Variants in ADGRB3 observed in about 807,000 individuals in gnomAD.
The protein encoded by ADGRB3 is brain-specific angiogenesis inhibitor 3.
ADGRB3 carries 37 observed loss-of-function variants against 193.4 expected under a neutral mutation model. The observed-to-expected ratio is 0.19, with a 90% confidence interval of 0.15 to 0.25. The LOEUF (loss-of-function observed/expected upper bound fraction) is 0.25. ADGRB3 is among the 10% of genes least tolerant of loss of function. The probability of loss-of-function intolerance (pLI) is 1.00; values close to 1 mark genes in which losing one functional copy is unlikely to be tolerated. For missense variants in ADGRB3, 1,637 were observed against 1,852.9 expected (o/e 0.88, Z 2.14); for synonymous variants, 690 against 644.2 (o/e 1.07, Z -1.08).
intron 16 of ADGRB3, among the ~76,000 whole-genome samples, chr6:69,067,966 G>A (rs77899918): frequency 0.077 from 11,783 of 152,210 alleles, 566 homozygotes; most frequent in Non-Finnish European, 0.11. Flanking sequence ...GAGTCAGATC[G>A]TAAAGAATTT....
At chr6:69,227,866 T>C (rs1465495689) in intron 17 of ADGRB3, among the ~76,000 whole-genome samples, 1 of 152,236 alleles carries the variant, frequency 6.6e-6, no homozygotes, top group Non-Finnish European at 1.5e-5. Flanking sequence ...TCAGATTACA[T>C]GTCTGCTATA....
At chr6:68,749,449 T>A (rs1766153427) in intron 3 of ADGRB3, among the ~76,000 whole-genome samples, 1 of 149,500 alleles carries the variant, frequency 6.7e-6, no homozygotes, top group South Asian at 2.1e-4. Flanking sequence ...TGTGTGTGTA[T>A]AATTAATTCT....
chr6:68,905,952 T>TA lies in ADGRB3; in HGVS notation c.758-24598dup, dbSNP rs140909901. ...AGAATGTCCTGACCACCAATTTTGT[T>TA]AAAAAAAAAGTTTCCTGCTTGACTT... On this transcript the variant is annotated intron_variant, in intron 3 of 31. Transcript: ENST00000370598. Among the ~76,000 whole-genome samples the TA allele has an allele frequency of 2.5e-4, 37 of 150,948 alleles. No individual in the cohort carries two copies. The South Asian group carries it at 5.0e-3, about 20-fold the overall frequency.
chr6:69,181,368 A>T (rs536394138), intron 17 of ADGRB3, among the ~76,000 whole-genome samples: 94 of 152,028 alleles, frequency 6.2e-4, no homozygotes, highest in African/African-American at 1.8e-3. Flanking sequence ...TTATTTTTTT[A>T]AAAAAATACA....
intron 16 of ADGRB3, among the ~76,000 whole-genome samples, chr6:69,069,321 C>T (rs1236085383): frequency 6.6e-6 from 1 of 151,860 alleles, no homozygotes; most frequent in African/African-American, 2.4e-5. Context: ...AGACATGACA[C>T]TGAAATGGGT....
chr6:68,975,882 C>T (rs1768732299), intron 10 of ADGRB3, among the ~76,000 whole-genome samples: 1 of 152,128 alleles, frequency 6.6e-6, no homozygotes, highest in African/African-American at 2.4e-5. Context: ...CTTCTTTTCC[C>T]ACATATCATT....
intron 17 of ADGRB3, among the ~76,000 whole-genome samples, chr6:69,207,217 G>A (rs1464065409): frequency 1.3e-5 from 2 of 152,180 alleles, no homozygotes; most frequent in East Asian, 1.9e-4. Context: ...CCAGCAGAAT[G>A]TAATGTCGCA....
intron 30 of ADGRB3, among the ~76,000 whole-genome samples, chr6:69,377,868 A>G (rs976212986): frequency 5.3e-5 from 8 of 152,106 alleles, no homozygotes; most frequent in Admixed American, 3.3e-4. Flanking sequence ...AGTCATTTGT[A>G]TTAAAAAGAA....
chr6:69,110,833 C>T (rs1290477100), intron 17 of ADGRB3, among the ~76,000 whole-genome samples: 2 of 152,084 alleles, frequency 1.3e-5, no homozygotes, highest in South Asian at 2.1e-4. Context: ...AGCTTACATA[C>T]GGTGAACATA....
At chr6:69,333,055 C>A (rs1209574131) in intron 24 of ADGRB3, 47 bp downstream of exon 24, 1 of 1,579,876 alleles carries the variant, frequency 6.3e-7, no homozygotes. Flanking sequence ...CAGTGAATCC[C>A]ATACTCCAAT....
At chr6:68,923,179 A>G (rs1355269420) in intron 3 of ADGRB3, among the ~76,000 whole-genome samples, 2 of 152,124 alleles carry the variant, frequency 1.3e-5, no homozygotes. Flanking sequence ...GTAATAAACT[A>G]AAATATAGTG....
chr6:68,994,367 A>G (rs796817460), intron 11 of ADGRB3, among the ~76,000 whole-genome samples: 9 of 152,342 alleles, frequency 5.9e-5, no homozygotes, highest in African/African-American at 2.2e-4. Context: ...CATAGTTTAA[A>G]GTTTGTTTAG....
At chr6:69,121,885 C>T (rs1773706049) in intron 17 of ADGRB3, among the ~76,000 whole-genome samples, 1 of 151,592 alleles carries the variant, frequency 6.6e-6, no homozygotes, top group South Asian at 2.1e-4. Context: ...AGGCGCTCCT[C>T]ACTTCCCAGA....
At chr6:69,212,423 A>C (rs1335737444) in intron 17 of ADGRB3, among the ~76,000 whole-genome samples, 1 of 152,208 alleles carries the variant, frequency 6.6e-6, no homozygotes, top group Admixed American at 6.5e-5. Flanking sequence ...ATGTTTTTAA[A>C]GATGACCCAA....
chr6:68,905,288 G>T (rs1170396323), intron 3 of ADGRB3, among the ~76,000 whole-genome samples: 2 of 152,098 alleles, frequency 1.3e-5, no homozygotes, highest in African/African-American at 4.8e-5. Flanking sequence ...TCTGAAGTTT[G>T]CTTCGTTCGT....
chr6:68,958,065 G>A (rs1281953410), intron 8 of ADGRB3, among the ~76,000 whole-genome samples: 1 of 152,066 alleles, frequency 6.6e-6, no homozygotes, highest in East Asian at 1.9e-4. Context: ...GCCGGCCGTG[G>A]TGGCATGCAC....
At chr6:69,305,720 A>C (rs1179066678) in intron 20 of ADGRB3, among the ~76,000 whole-genome samples, 1 of 151,306 alleles carries the variant, frequency 6.6e-6, no homozygotes, top group African/African-American at 2.4e-5. Context: ...GGCTCATGGA[A>C]ATAATCCACA....
chr6:69,001,242 G>C (rs557791755), intron 11 of ADGRB3, among the ~76,000 whole-genome samples: 1 of 152,306 alleles, frequency 6.6e-6, no homozygotes, highest in South Asian at 2.1e-4. Context: ...CAAAAGTACA[G>C]AAATAGTGTA....
chr6:68,945,234 C>A (rs2150251810), intron 6 of ADGRB3, among the ~76,000 whole-genome samples: 1 of 152,140 alleles, frequency 6.6e-6, no homozygotes, highest in East Asian at 1.9e-4. Flanking sequence ...ATTATAATTA[C>A]ATTATTTTAC....
Sources: allele counts gnomAD v4.1 joint callset (sites outside exome capture counted in the v4.1 genomes callset), GRCh38; gene constraint gnomAD v4.1.1; transcripts MANE v1.5; gene names NCBI Gene and HGNC (gene_info 2026-07-23, HGNC 2026-07-21).